SPTLC2: variants seen among roughly 807,000 people sequenced by gnomAD.
The protein encoded by SPTLC2 is serine palmitoyltransferase long chain base subunit 2, also known as serine palmitoyltransferase 2.
SPTLC2 carries 21 observed loss-of-function variants against 62.0 expected under a neutral mutation model. That is an observed-to-expected ratio of 0.34 (90% CI 0.24 to 0.49). The LOEUF is 0.49. Among genes scored for constraint, SPTLC2 ranks in the 20% least tolerant of loss-of-function variants. The probability of loss-of-function intolerance (pLI) is 0.99; values close to 1 mark genes in which losing one functional copy is unlikely to be tolerated. For missense variants in SPTLC2, 511 were observed against 713.0 expected, an observed-to-expected ratio of 0.72 and a Z score of 3.23; for synonymous variants, 261 against 261.8, an observed-to-expected ratio of 1.00 and a Z score of 0.03.
At chr14:77,530,930 G>C (rs2079435333) in intron 9 of SPTLC2, among the ~76,000 whole-genome samples, 1 of 152,198 alleles carries the variant, frequency 6.6e-6, no homozygotes. Context: ...AACAATGCAC[G>C]TTGGCCCACC....
chr14:77,529,329 C>T (rs895809705), intron 9 of SPTLC2, among the ~76,000 whole-genome samples: 20 of 145,542 alleles, frequency 1.4e-4, no homozygotes, highest in Non-Finnish European at 2.4e-4. Context: ...AAAGTATGTT[C>T]TCCACTGATA....
intron 8 of SPTLC2, among the ~76,000 whole-genome samples, chr14:77,554,218 T>C (rs1011158977): frequency 3.9e-5 from 6 of 152,244 alleles, no homozygotes; most frequent in Non-Finnish European, 8.8e-5. Flanking sequence ...ACATACATTA[T>C]TTTTTCCCTA....
intron 1 of SPTLC2, among the ~76,000 whole-genome samples, chr14:77,610,125 G>GT (rs1460268836): frequency 7.8e-6 from 1 of 127,672 alleles, no homozygotes; most frequent in African/African-American, 2.9e-5. Flanking sequence ...GTGTGAAATG[G>GT]TATCTAACTG....
intron 9 of SPTLC2, among the ~76,000 whole-genome samples, chr14:77,528,886 T>C (rs1247459546): frequency 6.6e-6 from 1 of 152,082 alleles, no homozygotes; most frequent in African/African-American, 2.4e-5. Context: ...CCCAGGCTGG[T>C]ATGCAATGGT....
chr14:77,526,209 G>C (rs1266309912), intron 9 of SPTLC2, among the ~76,000 whole-genome samples: 1 of 152,136 alleles, frequency 6.6e-6, no homozygotes, highest in African/African-American at 2.4e-5. Flanking sequence ...ATATAAAATA[G>C]CAGTTAATAT....
At chr14:77,550,510 G>A (rs1043156365) in intron 9 of SPTLC2, among the ~76,000 whole-genome samples, 3 of 152,172 alleles carry the variant, frequency 2.0e-5, no homozygotes, top group African/African-American at 4.8e-5. Context: ...GGGAGGCAGA[G>A]ATTGTGGTGA....
chr14:77,569,840 A>ATAT (rs2079669460), intron 5 of SPTLC2, among the ~76,000 whole-genome samples: 1 of 31,674 alleles, frequency 3.2e-5, no homozygotes, highest in Non-Finnish European at 9.6e-5. Flanking sequence ...TATAATATAC[A>ATAT]ATATTATATA....
At chr14:77,548,326 A>G (rs1321908391) in intron 9 of SPTLC2, among the ~76,000 whole-genome samples, 1 of 152,216 alleles carries the variant, frequency 6.6e-6, no homozygotes, top group African/African-American at 2.4e-5. Context: ...AGGATCCTAG[A>G]TGTCACACAC....
chr14:77,525,695 G>A (rs2079405919), intron 9 of SPTLC2, among the ~76,000 whole-genome samples: 1 of 152,248 alleles, frequency 6.6e-6, no homozygotes, highest in Non-Finnish European at 1.5e-5. Flanking sequence ...CGGATCACAA[G>A]GTCAGGAGAT....
intron 2 of SPTLC2, among the ~76,000 whole-genome samples, chr14:77,590,827 T>G (rs1029114123): frequency 6.6e-6 from 1 of 151,862 alleles, no homozygotes; most frequent in Non-Finnish European, 1.5e-5. Flanking sequence ...TTAGCTGGGG[T>G]GCCCTGGGTA....
chr14:77,603,629 T>C (rs1336321298), intron 1 of SPTLC2, among the ~76,000 whole-genome samples: 2 of 152,222 alleles, frequency 1.3e-5, no homozygotes, highest in African/African-American at 4.8e-5. Context: ...TGTCAGTAAG[T>C]ATCTCATGTG....
chr14:77,604,254 G>A (rs140608682), intron 1 of SPTLC2, among the ~76,000 whole-genome samples: 9 of 152,320 alleles, frequency 5.9e-5, no homozygotes, highest in African/African-American at 1.9e-4. Context: ...GAGAGAGTCT[G>A]AAGGGCAGTG....
intron 9 of SPTLC2, among the ~76,000 whole-genome samples, chr14:77,550,391 A>G (rs756466149): frequency 2.0e-5 from 3 of 152,212 alleles, no homozygotes; most frequent in Non-Finnish European, 4.4e-5. Flanking sequence ...CCTGACCAAC[A>G]CGGAGAAACC....
intron 9 of SPTLC2, among the ~76,000 whole-genome samples, chr14:77,544,918 AT>A (rs1272637246): frequency 1.3e-5 from 2 of 151,964 alleles, no homozygotes; most frequent in African/African-American, 2.4e-5. Context: ...TCCTCTTAGT[AT>A]TTTTCTATCT....
At chr14:77,577,115 A>G (rs545642195) in intron 3 of SPTLC2, among the ~76,000 whole-genome samples, 200 bp from the exon 4 acceptor site, 2 of 151,698 alleles carry the variant, frequency 1.3e-5, no homozygotes, top group South Asian at 4.2e-4. Context: ...TTTTAAAACT[A>G]ATGATATCCA....
Position 77,512,320 on chromosome 14 carries a change from G to A in SPTLC2, c.1653C>T (p.Pro551=). The change falls in exon 12 of 12, where the codon CCC becomes CCT. Residue 551 remains proline, a synonymous_variant. Coordinates refer to ENST00000216484, the MANE Select transcript of SPTLC2 (RefSeq NM_004863.4). ...TTTCTTCATACGTCGTCTCGTCAAA[G>A]GGCCTGTCCAGTAGAGGTACCAACC... ...RHRLVPLLDR[P]FDETTYEETE... 6.2e-7 allele frequency: 1 copy of A among 1,614,180 alleles called. No individual in the cohort carries two copies. Among genetic ancestry groups the A allele is most frequent in the Non-Finnish European group, 8.5e-7 (1 of 1,180,032 alleles).
intron 2 of SPTLC2, among the ~76,000 whole-genome samples, chr14:77,584,362 A>G (rs2079769667): frequency 6.6e-6 from 1 of 152,240 alleles, no homozygotes; most frequent in Admixed American, 6.5e-5. Flanking sequence ...TGATGATGAT[A>G]AAGATGATGA....
chr14:77,598,459 C>T (rs2079860135), intron 1 of SPTLC2, among the ~76,000 whole-genome samples: 1 of 152,150 alleles, frequency 6.6e-6, no homozygotes. Context: ...GTAAATTCAG[C>T]TTTATTAGAA....
chr14:77,515,928 A>C (rs1004908997), intron 11 of SPTLC2, among the ~76,000 whole-genome samples: 58 of 152,260 alleles, frequency 3.8e-4, no homozygotes, highest in African/African-American at 1.3e-3. Flanking sequence ...TAAAAGCACT[A>C]ATTTTTTGTG....
Sources: gnomAD v4.1 joint callset for allele counts (sites outside exome capture counted in the v4.1 genomes callset) on GRCh38, gnomAD v4.1.1 for gene constraint, MANE v1.5 for transcripts, NCBI Gene and HGNC (gene_info 2026-07-23, HGNC 2026-07-21) for gene names.